Variants in STK33 observed in about 807,000 individuals in gnomAD.
The protein encoded by STK33 is serine/threonine kinase 33.
STK33 carries 52 observed loss-of-function variants against 58.0 expected under a neutral mutation model. The ratio of observed to expected loss-of-function variants is 0.90; its 90% confidence interval spans 0.72 to 1.13. STK33 has a LOEUF of 1.13. Among genes scored for constraint, STK33 ranks in the 50% most tolerant of loss-of-function variants. The pLI is 0.00. For synonymous variants in STK33, 215 were observed against 200.1 expected (o/e 1.07, Z -0.63); for missense variants, 630 against 604.2 (o/e 1.04, Z -0.45).
At chr11:8,346,308 G>T in the STK33 span, among the ~76,000 whole-genome samples, 1 of 152,232 alleles carries the variant, frequency 6.6e-6, no homozygotes, top group Non-Finnish European at 1.5e-5. Flanking sequence ...GTGACCCTGC[G>T]GGGTGGGAGA....
chr11:8,440,803 T>C, intron 11 of STK33, 50 bp from the exon 12 acceptor site: 3 of 1,504,838 alleles, frequency 2.0e-6, no homozygotes, highest in Non-Finnish European at 1.8e-6. Flanking sequence ...ATAAATGTCT[T>C]TTAAATGCTT....
intron 1 of STK33, among the ~76,000 whole-genome samples, chr11:8,547,136 T>A (rs900184439): frequency 1.3e-5 from 2 of 152,224 alleles, no homozygotes; most frequent in African/African-American, 4.8e-5. Flanking sequence ...CATTGTTGTT[T>A]TGATTTGCAT....
chr11:8,484,846 G>A (rs1046277826), intron 1 of STK33, among the ~76,000 whole-genome samples: 1 of 152,080 alleles, frequency 6.6e-6, no homozygotes, highest in African/African-American at 2.4e-5. Flanking sequence ...CACATCAATT[G>A]GTGATTCTGT....
At chr11:8,565,019 C>CT (rs903240573) in intron 1 of STK33, among the ~76,000 whole-genome samples, 2 of 152,148 alleles carry the variant, frequency 1.3e-5, no homozygotes, top group Non-Finnish European at 2.9e-5. Context: ...CCTAAACTTC[C>CT]TTTTAGGTTT....
In STK33 at chr11:8,413,675, C is replaced by T. The variant is rs779391532; in HGVS notation, c.1164G>A (p.Ser388=). 7.4e-6 allele frequency: 12 copies of T among 1,613,402 alleles called. No individual in the cohort carries two copies. The highest frequency in any genetic ancestry group is 4.4e-5 in the South Asian group (4 of 91,022). ...NQWLTGNKLS[S]VRPTNVLEMM... is the part of the protein sequence containing the mutation. ...TCTCTAATACATTGGTTGGTCTCAC[C>T]GAAGAAAGTTTATTGCCCTAATATT... The change falls in exon 15 of 16, where the codon TCG becomes TCA. Residue 388 remains serine, a synonymous_variant. Transcript: ENST00000687296.
chr11:8,389,465 G>C (rs1324210126), downstream of STK33, among the ~76,000 whole-genome samples: 2 of 152,194 alleles, frequency 1.3e-5, no homozygotes, highest in Non-Finnish European at 2.9e-5. Flanking sequence ...GGTTCTGGAG[G>C]GGCAGATAGA....
chr11:8,447,227 T>C (rs766581897), intron 11 of STK33, among the ~76,000 whole-genome samples: 19 of 152,208 alleles, frequency 1.2e-4, no homozygotes, highest in Non-Finnish European at 2.4e-4. Flanking sequence ...GCTGGTACCA[T>C]TCCTTCTGAA....
chr11:8,441,678 C>A (rs1944761949), intron 11 of STK33, among the ~76,000 whole-genome samples: 1 of 151,922 alleles, frequency 6.6e-6, no homozygotes, highest in African/African-American at 2.4e-5. Flanking sequence ...TAAAAAGTCA[C>A]AAATGACACT....
At chr11:8,533,388 G>A (rs981236878) in intron 1 of STK33, 1 of 152,234 alleles carries the variant, frequency 6.6e-6, no homozygotes, top group Non-Finnish European at 1.5e-5. Flanking sequence ...TTTCCAGTGT[G>A]CGTAAGCAAC....
At chr11:8,519,270 A>G (rs957237644) in intron 1 of STK33, among the ~76,000 whole-genome samples, 7 of 152,218 alleles carry the variant, frequency 4.6e-5, no homozygotes, top group African/African-American at 1.7e-4. Flanking sequence ...GAAGGCAGAA[A>G]TAAAGATGTT....
the STK33 span, among the ~76,000 whole-genome samples, chr11:8,348,863 G>A: frequency 6.7e-6 from 1 of 149,342 alleles, no homozygotes. Context: ...AAAAGGGTTG[G>A]AGAGCACTTA....
chr11:8,431,315 T>C (rs1943400741), intron 14 of STK33, among the ~76,000 whole-genome samples: 1 of 152,004 alleles, frequency 6.6e-6, no homozygotes, highest in South Asian at 2.1e-4. Flanking sequence ...AAGGAGAAAA[T>C]AACAGCCAAC....
chr11:8,366,605 C>T, the STK33 span, among the ~76,000 whole-genome samples: 11 of 152,074 alleles, frequency 7.2e-5, no homozygotes, highest in East Asian at 1.4e-3. Flanking sequence ...CTGTGCTCTG[C>T]GAGGAATCCA....
At chr11:8,358,465 C>A in the STK33 span, among the ~76,000 whole-genome samples, 1 of 152,232 alleles carries the variant, frequency 6.6e-6, no homozygotes, top group African/African-American at 2.4e-5. Flanking sequence ...GGTCTGCCCT[C>A]CGGCCAAGGT....
chr11:8,589,165 G>A (rs1407683846), intron 1 of STK33, among the ~76,000 whole-genome samples: 1 of 151,994 alleles, frequency 6.6e-6, no homozygotes, highest in Admixed American at 6.6e-5. Context: ...CACTCCTAGA[G>A]AACCCAGAAG....
chr11:8,410,387 C>G (rs1940003890), intron 15 of STK33, among the ~76,000 whole-genome samples: 1 of 151,494 alleles, frequency 6.6e-6, no homozygotes, highest in South Asian at 2.1e-4. Flanking sequence ...CTATCTCCTA[C>G]AATACTATAA....
At chr11:8,452,614 T>C (rs1205914003) in intron 11 of STK33, among the ~76,000 whole-genome samples, 1 of 151,630 alleles carries the variant, frequency 6.6e-6, no homozygotes, top group Admixed American at 6.6e-5. Context: ...GAGACTGCTA[T>C]CTCTTAAAAA....
In STK33 at chr11:8,457,441, T is replaced by C; in HGVS notation, c.597A>G (p.Glu199=). 6.2e-7 allele frequency: 1 copy of C among 1,604,716 alleles called. No individual in the cohort carries two copies. Among genetic ancestry groups the C allele is most frequent in the Non-Finnish European group, 8.5e-7 (1 of 1,173,676 alleles). Residue 199 remains glutamate (E), a synonymous_variant, in exon 9 of 16, where the codon GAA becomes GAG. Coordinates refer to ENST00000687296, the MANE Select transcript of STK33 (RefSeq NM_001352389.2). ...YLVMELCEDG[E]LKEILDRKGH... ...CTTTCCTATCCAGAATTTCTTTGAG[T>C]TCTCCATCCTCACAAAGCTCCATCA...
chr11:8,349,346 G>T, the STK33 span, among the ~76,000 whole-genome samples: 1 of 152,090 alleles, frequency 6.6e-6, no homozygotes, highest in South Asian at 2.1e-4. Context: ...AACCCTTTGT[G>T]CCCTGAAGCC....
Sources: gnomAD v4.1 joint callset for allele counts (sites outside exome capture counted in the v4.1 genomes callset) on GRCh38, gnomAD v4.1.1 for gene constraint, MANE v1.5 for transcripts, NCBI Gene and HGNC (gene_info 2026-07-23, HGNC 2026-07-21) for gene names.